SUCLG2: variants seen among roughly 807,000 people sequenced by gnomAD.
SUCLG2 encodes the protein succinate--CoA ligase [GDP-forming] subunit beta, mitochondrial.
In SUCLG2, 42 loss-of-function variants were observed where a neutral mutation model predicts 47.9. That is an observed-to-expected ratio of 0.88 (90% CI 0.69 to 1.14). The LOEUF (loss-of-function observed/expected upper bound fraction) is 1.14. SUCLG2 is among the 50% of genes most tolerant of loss of function. SUCLG2 has a pLI of 0.00. For synonymous variants in SUCLG2, 195 were observed against 197.3 expected (o/e 0.99, Z 0.10); for missense variants, 571 against 525.9 (o/e 1.09, Z -0.84).
exon 11 of SUCLG2, chr3:67,360,707 A>C: frequency 2.0e-6 from 3 of 1,531,710 alleles, no homozygotes; most frequent in Non-Finnish European, 2.6e-6. Context: ...TTATATTCTC[A>C]TTTGAATTTC....
chr3:67,420,752 C>T (rs1703139841), intron 9 of SUCLG2, among the ~76,000 whole-genome samples: 1 of 152,070 alleles, frequency 6.6e-6, no homozygotes, highest in African/African-American at 2.4e-5. Flanking sequence ...TAGATACACA[C>T]ACACAAAGAC....
intron 2 of SUCLG2, among the ~76,000 whole-genome samples, chr3:67,560,911 T>A (rs1211064980): frequency 6.6e-6 from 1 of 150,852 alleles, no homozygotes; most frequent in African/African-American, 2.4e-5. Context: ...TAAGCTCCCC[T>A]CCCAACTCCA....
At chr3:67,554,805 C>A (rs533853897) in intron 2 of SUCLG2, among the ~76,000 whole-genome samples, 1 of 152,204 alleles carries the variant, frequency 6.6e-6, no homozygotes, top group Non-Finnish European at 1.5e-5. Flanking sequence ...CACACGCCCA[C>A]AACTAGTTAC....
intron 2 of SUCLG2, among the ~76,000 whole-genome samples, chr3:67,568,198 A>G (rs1412903122): frequency 6.6e-6 from 1 of 152,220 alleles, no homozygotes; most frequent in Non-Finnish European, 1.5e-5. Flanking sequence ...CATGTGACAC[A>G]AAAGACAAGA....
chr3:67,448,330 A>G (rs1043692918), intron 9 of SUCLG2, among the ~76,000 whole-genome samples: 18 of 152,366 alleles, frequency 1.2e-4, no homozygotes, highest in African/African-American at 4.3e-4. Flanking sequence ...GAATACATAT[A>G]TGATGGGTCC....
Position 67,527,712 on chromosome 3 carries a change from G to C in SUCLG2, c.417+420C>G, listed in dbSNP as rs573279610. ...CAAAATTACAGTCATCCTAAAATAA[G>C]GAATGGGGCATTTAGAAAAACAACC... On this transcript the variant is annotated intron_variant, in intron 4 of 10. Transcript: ENST00000307227. Among the ~76,000 whole-genome samples the C allele has an allele frequency of 1.8e-4, 27 of 152,284 alleles. No individual in the cohort carries two copies. In the South Asian group the frequency reaches 1.9e-3, roughly 11 times the overall value.
At chr3:67,584,869 A>G (rs1559583067) in intron 2 of SUCLG2, among the ~76,000 whole-genome samples, 1 of 152,102 alleles carries the variant, frequency 6.6e-6, no homozygotes, top group Non-Finnish European at 1.5e-5. Context: ...ACTCACTATC[A>G]CAAGAACAGC....
downstream of SUCLG2, among the ~76,000 whole-genome samples, chr3:67,370,695 A>C (rs1170403923): frequency 2.0e-5 from 3 of 152,234 alleles, no homozygotes; most frequent in Non-Finnish European, 4.4e-5. Flanking sequence ...AATAAAATTG[A>C]ACAATTATGA....
intron 1 of SUCLG2, among the ~76,000 whole-genome samples, chr3:67,648,404 G>A (rs918662969): frequency 1.3e-5 from 2 of 152,166 alleles, no homozygotes; most frequent in Non-Finnish European, 2.9e-5. Flanking sequence ...TGTCACTCAA[G>A]GGCAAAAAGA....
intron 10 of SUCLG2, among the ~76,000 whole-genome samples, 171 bp downstream of exon 10, chr3:67,400,560 C>G (rs983125459): frequency 6.6e-6 from 1 of 151,884 alleles, no homozygotes; most frequent in Non-Finnish European, 1.5e-5. Context: ...GAGCTAAAAG[C>G]CACATTAGTT....
intron 9 of SUCLG2, among the ~76,000 whole-genome samples, chr3:67,435,637 C>T (rs1703600748): frequency 6.6e-6 from 1 of 152,148 alleles, no homozygotes; most frequent in African/African-American, 2.4e-5. Flanking sequence ...ACATATGTGC[C>T]TCTAAGGTTG....
intron 2 of SUCLG2, among the ~76,000 whole-genome samples, chr3:67,534,113 A>C (rs1407568100): frequency 6.6e-6 from 1 of 152,178 alleles, no homozygotes; most frequent in Admixed American, 6.5e-5. Flanking sequence ...CTCCAGGACA[A>C]GGATTTTATG....
At chr3:67,540,556 T>G (rs1706676404) in intron 2 of SUCLG2, among the ~76,000 whole-genome samples, 1 of 152,124 alleles carries the variant, frequency 6.6e-6, no homozygotes, top group Non-Finnish European at 1.5e-5. Flanking sequence ...GTCAGGGACT[T>G]ATAGATCAAA....
In SUCLG2 at chr3:67,552,822, G is replaced by A. The variant is rs183917055; in HGVS notation, c.227-23636C>T. 1.4e-3 allele frequency among the ~76,000 whole-genome samples: 209 copies of A among 152,286 alleles called. 3 individuals are homozygous for A. The highest frequency in any genetic ancestry group is 4.9e-4 in the Non-Finnish European group (33 of 68,022). Reference sequence around the variant, plus strand: ...GACTGATAAATGTAAACTACTGTGTGTTTTATACCTTAAATTATCTGATTT... The same window carrying A: ...GACTGATAAATGTAAACTACTGTGTATTTTATACCTTAAATTATCTGATTT... On this transcript the variant is annotated intron_variant, in intron 2 of 10. Coordinates refer to ENST00000307227, the MANE Select transcript of SUCLG2 (RefSeq NM_003848.4).
At chr3:67,500,600 G>A (rs1705471425) in intron 7 of SUCLG2, among the ~76,000 whole-genome samples, 1 of 152,050 alleles carries the variant, frequency 6.6e-6, no homozygotes, top group Admixed American at 6.6e-5. Context: ...CTTGCTACAG[G>A]GGAATTTTCT....
chr3:67,530,027 T>C (rs1706359933), intron 2 of SUCLG2, among the ~76,000 whole-genome samples: 1 of 152,192 alleles, frequency 6.6e-6, no homozygotes, highest in Non-Finnish European at 1.5e-5. Context: ...CAAATATGTT[T>C]AATAAACCAA....
intron 9 of SUCLG2, among the ~76,000 whole-genome samples, chr3:67,446,702 G>T (rs1703936740): frequency 6.6e-6 from 1 of 151,746 alleles, no homozygotes; most frequent in South Asian, 2.1e-4. Flanking sequence ...AAAGTGCCTG[G>T]ATTACAGGCG....
chr3:67,448,898 T>A (rs1703990115), intron 9 of SUCLG2, among the ~76,000 whole-genome samples: 1 of 152,160 alleles, frequency 6.6e-6, no homozygotes, highest in South Asian at 2.1e-4. Context: ...CTGTTGATTC[T>A]GGTAGTGAAA....
intron 7 of SUCLG2, among the ~76,000 whole-genome samples, chr3:67,498,772 T>C (rs187830303): frequency 1.3e-5 from 2 of 152,340 alleles, no homozygotes; most frequent in Admixed American, 1.3e-4. Context: ...TCCTGTCTAG[T>C]ATTTCCAAAA....
Sources: gnomAD v4.1 joint callset for allele counts (sites outside exome capture counted in the v4.1 genomes callset) on GRCh38, gnomAD v4.1.1 for gene constraint, MANE v1.5 for transcripts, NCBI Gene and HGNC (gene_info 2026-07-23, HGNC 2026-07-21) for gene names.